The following NLRP12 variants were observed in gnomAD, a reference collection of about 807,000 sequenced individuals.
NLRP12 encodes NACHT, LRR and PYD domains-containing protein 12.
Under a neutral mutation model 91.2 loss-of-function variants are expected in NLRP12, and 108 were observed. The observed-to-expected ratio is 1.18, with a 90% confidence interval of 1.01 to 1.39. The LOEUF (loss-of-function observed/expected upper bound fraction) is 1.39. Among genes scored for constraint, NLRP12 ranks in the 40% most tolerant of loss-of-function variants. NLRP12 has a pLI of 0.00. For missense variants in NLRP12, 1,530 were observed against 1,352.7 expected, an observed-to-expected ratio of 1.13 and a Z score of -2.06; for synonymous variants, 613 against 566.7, an observed-to-expected ratio of 1.08 and a Z score of -1.16.
chr19:53,820,989 A>G (rs1372152140), intron 1 of NLRP12, among the ~76,000 whole-genome samples: 1 of 143,576 alleles, frequency 7.0e-6, no homozygotes, highest in Non-Finnish European at 1.5e-5. Flanking sequence ...CTTTGCATGT[A>G]TTATCTCTTG....
intron 7 of NLRP12, among the ~76,000 whole-genome samples, chr19:53,800,090 G>GGA (rs1204666694): frequency 6.6e-6 from 1 of 152,066 alleles, no homozygotes; most frequent in East Asian, 1.9e-4. Context: ...CATGAGGTCA[G>GGA]GAGAGAGAGA....
chr19:53,821,647 G>A lies in NLRP12; in HGVS notation c.289+2239C>T, dbSNP rs550823927. 1.2e-4 allele frequency among the ~76,000 whole-genome samples: 18 copies of A among 152,152 alleles called. No homozygotes were observed. In the East Asian group the frequency reaches 3.1e-3, roughly 26 times the overall value. Reference sequence around the variant, plus strand: ...TGCGCCACTGCACTCCAGCCTGGGCGACAGAGCAAGACTCTGTTTCAACAA... The same window carrying A: ...TGCGCCACTGCACTCCAGCCTGGGCAACAGAGCAAGACTCTGTTTCAACAA... On this transcript the variant is annotated intron_variant, in intron 1 of 9. Transcript: ENST00000324134.
chr19:53,823,987 T>C lies in NLRP12; in HGVS notation c.188A>G (p.His63Arg), dbSNP rs2092306920. 1 of 1,614,154 alleles carries C rather than the reference T, an allele frequency of 6.2e-7. No individual in the cohort carries two copies. Among genetic ancestry groups the C allele is most frequent in the Admixed American group, 1.7e-5 (1 of 59,986 alleles). The change falls in exon 1 of 10, where the codon CAC becomes CGC. Residue 63 changes from histidine (H) to arginine (R), a missense_variant. Transcript: ENST00000324134. ...PLEMAQLLIT[H>R]FGPEEAWRLA... ...CCTCCAGGCCTCCTCTGGCCCGAAG[T>C]GGGTGATGAGCAGCTGGGCCATTTC...
Position 53,810,988 on chromosome 19 carries a change from G to C in NLRP12, c.671C>G (p.Ser224Cys), listed in dbSNP as rs1400127661. Residue 224 changes from serine (S) to cysteine (C), a missense_variant, in exon 3 of 10, where the codon TCC (serine) becomes TGC (cysteine). Coordinates refer to ENST00000324134, the MANE Select transcript of NLRP12 (RefSeq NM_144687.4). ...VMQGAAGIGK[S>C]MLAHKVMLDW... Reference sequence around the variant, plus strand: ...CAGCATCACCTTGTGTGCCAGCATGGACTTGCCTATCCCTGCCGCGCCTTG... The same window carrying C: ...CAGCATCACCTTGTGTGCCAGCATGCACTTGCCTATCCCTGCCGCGCCTTG... 3 of 1,614,030 alleles carry C rather than the reference G, an allele frequency of 1.9e-6. No individual in the cohort carries two copies. The highest frequency in any genetic ancestry group is 1.3e-5 in the African/African-American group (1 of 74,922).
rs77330585 is a variant in NLRP12 at position 53,815,068 on chromosome 19, A to G, written c.290-80T>C. ...GTCATATTAGCTGCGATTACGTCGA[A>G]ATGCCTGCATAACTCCCTGGTCACC... On this transcript the variant is annotated intron_variant, in intron 1 of 9. Transcript: ENST00000324134. The G allele has an allele frequency of 0.067, 70,182 of 1,051,704 alleles. 2,708 individuals carry two copies. Among genetic ancestry groups the G allele is most frequent in the African/African-American group, 0.08 (5,120 of 64,072 alleles). The allele number at this position is 1,051,704 out of a possible 1,614,324, so 65.1% of individuals were successfully genotyped here.
intron 7 of NLRP12, among the ~76,000 whole-genome samples, chr19:53,798,980 G>A (rs939599429): frequency 1.0e-4 from 15 of 149,004 alleles, no homozygotes; most frequent in African/African-American, 3.7e-4. Flanking sequence ...GACCTTAGGT[G>A]ATCCACCCGC....
At position 53,811,116 on chromosome 19, in the gene NLRP12, C is replaced by G. The variant is rs139513302; in HGVS notation, c.543G>C (p.Arg181=). The change falls in exon 3 of 10, where the codon CGG becomes CGC. Residue 181 remains arginine (R), a synonymous_variant. Transcript: ENST00000324134. The stretch of plus-strand genomic sequence containing the variant: ...GGTGTCCCACGGTCCTCGCGTGTCC[C>G]CGGCCTGTGTCCAGAAGCTGCTGCT... ...QVQQQLLDTG[R]GHARTVGHQA... 6.2e-6 allele frequency: 10 copies of G among 1,613,956 alleles called. No homozygotes were observed. The African/African-American group carries it at 1.3e-4, about 22-fold the overall frequency.
At chr19:53,818,086 A>ATTTT (rs57766213) in intron 1 of NLRP12, among the ~76,000 whole-genome samples, 25 of 144,482 alleles carry the variant, frequency 1.7e-4, no homozygotes, top group South Asian at 8.8e-4. Flanking sequence ...CTGGTTGGCA[A>ATTTT]TTTTTTTTTT....
intron 5 of NLRP12, among the ~76,000 whole-genome samples, chr19:53,804,859 C>A (rs533374534): frequency 2.6e-5 from 4 of 152,026 alleles, no homozygotes; most frequent in African/African-American, 9.6e-5. Context: ...GAAACCCCAT[C>A]TCTACTAAAA....
chr19:53,821,773 G>A (rs2092267831), intron 1 of NLRP12, among the ~76,000 whole-genome samples: 1 of 152,176 alleles, frequency 6.6e-6, no homozygotes, highest in South Asian at 2.1e-4. Flanking sequence ...AGTGGGGGAA[G>A]AGGAGTAAAT....
intron 1 of NLRP12, among the ~76,000 whole-genome samples, chr19:53,815,528 C>A (rs935473346): frequency 1.3e-5 from 2 of 151,696 alleles, no homozygotes; most frequent in African/African-American, 4.8e-5. Flanking sequence ...CACCTGGCAC[C>A]AACCAATCTT....
intron 6 of NLRP12, among the ~76,000 whole-genome samples, chr19:53,801,771 A>C (rs1210692297): frequency 6.6e-6 from 1 of 151,682 alleles, no homozygotes; most frequent in East Asian, 2.0e-4. Flanking sequence ...TCTTAACAGT[A>C]ATGCATTTTC....
intron 1 of NLRP12, among the ~76,000 whole-genome samples, chr19:53,817,448 A>G (rs944095845): frequency 3.3e-5 from 5 of 149,330 alleles, no homozygotes; most frequent in African/African-American, 7.4e-5. Context: ...AAAGTGGTTA[A>G]GAGGAGGCTG....
At chr19:53,820,636 G>C (rs1013037298) in intron 1 of NLRP12, among the ~76,000 whole-genome samples, 1 of 152,014 alleles carries the variant, frequency 6.6e-6, no homozygotes, top group East Asian at 1.9e-4. Context: ...TTCAGCCCAG[G>C]AGTTTGAGTC....
intron 3 of NLRP12, chr19:53,808,203 G>A: frequency 4.5e-6 from 1 of 223,126 alleles, no homozygotes; most frequent in South Asian, 6.9e-5. Context: ...GGCTACAGGT[G>A]TGCACCATCA....
intron 2 of NLRP12, among the ~76,000 whole-genome samples, chr19:53,812,649 AC>A (rs1233490546): frequency 6.6e-6 from 1 of 152,034 alleles, no homozygotes; most frequent in Non-Finnish European, 1.5e-5. Flanking sequence ...ATGTGGAGAA[AC>A]CCTGGTCTGG....
rs751016031 is a variant in NLRP12 at position 53,794,014 on chromosome 19, C to A, written c.*35G>T. The A allele has an allele frequency of 6.9e-7, 1 of 1,451,044 alleles. No individual in the cohort carries two copies. Among genetic ancestry groups the A allele is most frequent in the Non-Finnish European group, 9.7e-7 (1 of 1,031,394 alleles). The allele number at this position is 1,451,044 out of a possible 1,614,324, so 89.9% of individuals were successfully genotyped here. On this transcript the variant is annotated 3_prime_UTR_variant, in exon 10 of 10. Transcript: ENST00000324134. ...TGAGCACCCTCCCATCTTCCTCTGTCCAGATCTCAGGGGAGAGCCAGCAGA... is the reference window on the plus strand; with the variant it reads ...TGAGCACCCTCCCATCTTCCTCTGTACAGATCTCAGGGGAGAGCCAGCAGA...
chr19:53,793,923 CT>C lies in NLRP12; in HGVS notation c.*125del. ...ATTAATTTGATCCCAAGCAGAGGGACTTTTGATCTCAATCTGCATGAGTCTG... is the reference window on the plus strand; with the variant it reads ...ATTAATTTGATCCCAAGCAGAGGGACTTTGATCTCAATCTGCATGAGTCTG... On this transcript the variant is annotated 3_prime_UTR_variant, in exon 10 of 10. Transcript: ENST00000324134. The C allele has an allele frequency of 1.3e-6, 1 of 776,302 alleles. No individual in the cohort carries two copies. 48.1% of individuals were successfully genotyped at this position (776,302 alleles called of 1,614,324 possible). A position where few individuals can be genotyped will look rare whatever the true frequency, so the allele number is the denominator to read the frequency against.
intron 8 of NLRP12, among the ~76,000 whole-genome samples, chr19:53,797,288 C>T (rs1225766157): frequency 1.4e-4 from 22 of 152,240 alleles, no homozygotes; most frequent in Middle Eastern, 3.4e-3. Context: ...CCCACCACCA[C>T]GCCAGGCTAA....
Sources: allele counts gnomAD v4.1 joint callset (sites outside exome capture counted in the v4.1 genomes callset), GRCh38; gene constraint gnomAD v4.1.1; transcripts MANE v1.5; gene names NCBI Gene and HGNC (gene_info 2026-07-23, HGNC 2026-07-21).